C12orf75: variants seen among roughly 807,000 people sequenced by gnomAD.
C12orf75 encodes chromosome 12 open reading frame 75.
In C12orf75, 4 loss-of-function variants were observed where a neutral mutation model predicts 11.4. The observed-to-expected ratio is 0.35, with a 90% CI of 0.17 to 0.80. The LOEUF (loss-of-function observed/expected upper bound fraction) is 0.80. Ranked by LOEUF, C12orf75 falls within the 30% of genes least tolerant of loss-of-function variation. The probability of loss-of-function intolerance (pLI) is 0.52; values close to 1 mark genes in which losing one functional copy is unlikely to be tolerated. For missense variants in C12orf75, 89 were observed against 80.4 expected (o/e 1.11, Z -0.41); for synonymous variants, 30 against 30.0 (o/e 1.00, Z 0.00).
At chr12:105,368,247 G>A (rs1045479666) in intron 5 of C12orf75, among the ~76,000 whole-genome samples, 1 of 152,184 alleles carries the variant, frequency 6.6e-6, no homozygotes, top group African/African-American at 2.4e-5. Context: ...GGTCCACCAA[G>A]GGTCCAACAA....
intron 1 of C12orf75, among the ~76,000 whole-genome samples, chr12:105,331,609 CACACA>C (rs1228301047): frequency 6.6e-6 from 1 of 151,982 alleles, no homozygotes; most frequent in African/African-American, 2.4e-5. Context: ...CACACACACA[CACACA>C]CACACACACA....
chr12:105,370,815 T>C lies in C12orf75; in HGVS notation c.*215T>C, dbSNP rs1416223903. The C allele has an allele frequency of 7.1e-6, 3 of 419,738 alleles. No homozygotes were observed. Among genetic ancestry groups the C allele is most frequent in the African/African-American group, 6.1e-5 (3 of 48,906 alleles). 26.0% of individuals were successfully genotyped at this position (419,738 alleles called of 1,614,324 possible). On this transcript the variant is annotated 3_prime_UTR_variant, in exon 6 of 6. Transcript: ENST00000443585. ...AAGGGAATTGGTTAAACAGTACACT[T>C]GTTTATGGAACTTTCTGTGGCCACC...
intron 2 of C12orf75, among the ~76,000 whole-genome samples, chr12:105,354,153 A>T (rs1892747042): frequency 1.3e-5 from 2 of 152,190 alleles, no homozygotes; most frequent in Non-Finnish European, 2.9e-5. Flanking sequence ...GAGGGTGAAG[A>T]GGATGGGGTT....
chr12:105,344,562 GA>G lies in C12orf75; in HGVS notation c.47-4039del, dbSNP rs1892612351. On this transcript the variant is annotated intron_variant, in intron 1 of 5. Coordinates refer to ENST00000443585, the MANE Select transcript of C12orf75 (RefSeq NM_001145199.2). Reference sequence around the variant, plus strand: ...GTTCAAGACCAGCATGGCCAACATGGAGAAACCCTGTCTCTACTAAAAATAC... The same window carrying G: ...GTTCAAGACCAGCATGGCCAACATGGGAAACCCTGTCTCTACTAAAAATAC... 2.0e-5 allele frequency among the ~76,000 whole-genome samples: 3 copies of G among 152,280 alleles called. No individual in the cohort carries two copies. In the South Asian group the frequency reaches 6.2e-4, roughly 32 times the overall value.
At chr12:105,363,869 G>A (rs1208116443) in intron 2 of C12orf75, among the ~76,000 whole-genome samples, 1 of 152,084 alleles carries the variant, frequency 6.6e-6, no homozygotes, top group African/African-American at 2.4e-5. Flanking sequence ...ATACATGTAA[G>A]GTTGTTGATT....
intron 1 of C12orf75, among the ~76,000 whole-genome samples, chr12:105,339,962 CTT>C (rs762187176): frequency 6.6e-6 from 1 of 152,002 alleles, no homozygotes; most frequent in African/African-American, 2.4e-5. Flanking sequence ...TCATAATAGA[CTT>C]TGGCATTTGG....
chr12:105,345,290 A>G (rs1892623929), intron 1 of C12orf75, among the ~76,000 whole-genome samples: 1 of 151,992 alleles, frequency 6.6e-6, no homozygotes, highest in Non-Finnish European at 1.5e-5. Context: ...GGAGTTTGAG[A>G]CCAGCCTCGG....
intron 1 of C12orf75, among the ~76,000 whole-genome samples, chr12:105,337,392 A>G (rs1034216081): frequency 2.6e-5 from 4 of 152,196 alleles, no homozygotes; most frequent in Non-Finnish European, 5.9e-5. Flanking sequence ...GGGCTGGCCA[A>G]GTGAGGAGAG....
At chr12:105,332,992 A>T (rs1292703637) in intron 1 of C12orf75, among the ~76,000 whole-genome samples, 1 of 150,770 alleles carries the variant, frequency 6.6e-6, no homozygotes, top group East Asian at 1.9e-4. Flanking sequence ...TTGTTTGTGG[A>T]CAGTGCATGT....
rs35185869 is a variant in C12orf75, at chr12:105,344,745, CA to C, written c.47-3838del. Among the ~76,000 whole-genome samples, 726 of 102,570 alleles carry C rather than the reference CA, an allele frequency of 7.1e-3. 8 individuals carry two copies. Among genetic ancestry groups the C allele is most frequent in the Middle Eastern group, 0.017 (3 of 174 alleles). The allele number at this position is 102,570 out of a possible 152,430, so 67.3% of individuals were successfully genotyped here. On this transcript the variant is annotated intron_variant, in intron 1 of 5. Coordinates refer to ENST00000443585, the MANE Select transcript of C12orf75 (RefSeq NM_001145199.2). ...TAGGCAACAGAGTGAGACTCTGTGT[CA>C]AAAAAAAAAAAAAAAAAAGTTGAGG...
At chr12:105,334,454 G>T (rs1477867048) in intron 1 of C12orf75, among the ~76,000 whole-genome samples, 8 of 152,160 alleles carry the variant, frequency 5.3e-5, no homozygotes, top group Admixed American at 1.3e-4. Context: ...TTGAGCTGGG[G>T]GTCTAGATGG....
Position 105,370,614 on chromosome 12 carries a change from C to G in C12orf75, c.*34-20C>G, listed in dbSNP as rs1288400773. The G allele has an allele frequency of 2.2e-6, 1 of 457,468 alleles. No homozygotes were observed. Among genetic ancestry groups the G allele is most frequent in the African/African-American group, 2.0e-5 (1 of 50,044 alleles). The allele number at this position is 457,468 out of a possible 1,614,324, so 28.3% of individuals were successfully genotyped here. On this transcript the variant is annotated intron_variant, in intron 5 of 5. Transcript: ENST00000443585. The stretch of plus-strand genomic sequence containing the variant: ...GTACCTGTTTGCTCACTCTTTTCTC[C>G]TCTTCTGTTGTCTCCTTAGCTTGCT...
chr12:105,353,982 T>C (rs192286232), intron 2 of C12orf75, among the ~76,000 whole-genome samples: 4 of 152,314 alleles, frequency 2.6e-5, no homozygotes, highest in African/African-American at 9.6e-5. Context: ...AAAAAAGAAA[T>C]GATAAATCTT....
intron 1 of C12orf75, among the ~76,000 whole-genome samples, chr12:105,332,937 A>AT (rs1265395771): frequency 6.6e-6 from 1 of 151,850 alleles, no homozygotes; most frequent in Non-Finnish European, 1.5e-5. Flanking sequence ...ATTGAAAAAA[A>AT]AAAAAAAAGC....
chr12:105,345,659 C>CTTTTTTTTTTTTTTTTTT (rs771376717), intron 1 of C12orf75, among the ~76,000 whole-genome samples: 1 of 73,520 alleles, frequency 1.4e-5, no homozygotes, highest in African/African-American at 5.6e-5. Context: ...AGTGTCTGGC[C>CTTTTTTTTTTTTTTTTTT]TTTTTTTTTT....
chr12:105,357,067 C>T (rs1461744907), intron 2 of C12orf75, among the ~76,000 whole-genome samples: 7 of 152,142 alleles, frequency 4.6e-5, no homozygotes, highest in Admixed American at 4.6e-4. Context: ...CCTTCCAGAA[C>T]CCCGACCTAC....
intron 2 of C12orf75, among the ~76,000 whole-genome samples, chr12:105,357,734 T>C (rs1333492136): frequency 1.3e-5 from 2 of 151,692 alleles, no homozygotes; most frequent in South Asian, 2.1e-4. Flanking sequence ...ATTTTTTTGC[T>C]AACAAAAGGA....
At position 105,370,772 on chromosome 12, in the gene C12orf75, A is replaced by G. The variant is rs1378429364; in HGVS notation, c.*172A>G. ...AGTGTATACATAAAACCCTGGGTACATATTGTTGTGGTAATAGAAGGGAAT... is the reference window on the plus strand; with the variant it reads ...AGTGTATACATAAAACCCTGGGTACGTATTGTTGTGGTAATAGAAGGGAAT... On this transcript the variant is annotated 3_prime_UTR_variant, in exon 6 of 6. Transcript: ENST00000443585. 4.4e-6 allele frequency: 2 copies of G among 455,476 alleles called. No homozygotes were observed. Among genetic ancestry groups the G allele is most frequent in the East Asian group, 7.0e-5 (1 of 14,378 alleles). 28.2% of individuals were successfully genotyped at this position (455,476 alleles called of 1,614,324 possible).
intron 1 of C12orf75, among the ~76,000 whole-genome samples, chr12:105,338,024 T>G (rs1892518059): frequency 6.6e-6 from 1 of 152,186 alleles, no homozygotes; most frequent in South Asian, 2.1e-4. Context: ...TATATTAAAT[T>G]TCTCTCATTA....
Sources: gnomAD v4.1 joint callset for allele counts (sites outside exome capture counted in the v4.1 genomes callset) on GRCh38, gnomAD v4.1.1 for gene constraint, MANE v1.5 for transcripts, NCBI Gene and HGNC (gene_info 2026-07-23, HGNC 2026-07-21) for gene names.